Variants in CHRM2 observed in about 807,000 individuals in gnomAD.
CHRM2 encodes muscarinic acetylcholine receptor M2.
Under a neutral mutation model 25.0 loss-of-function variants are expected in CHRM2, and 8 were observed. The ratio of observed to expected loss-of-function variants is 0.32; its 90% CI spans 0.19 to 0.58. The LOEUF (loss-of-function observed/expected upper bound fraction) is 0.58. Ranked by LOEUF, CHRM2 falls within the 20% of genes least tolerant of loss-of-function variation. The probability of loss-of-function intolerance (pLI) is 0.88; values close to 1 mark genes in which losing one functional copy is unlikely to be tolerated. For missense variants in CHRM2, 440 were observed against 567.1 expected, an observed-to-expected ratio of 0.78 and a Z score of 2.28; for synonymous variants, 202 against 205.7, an observed-to-expected ratio of 0.98 and a Z score of 0.15.
At chr7:136,944,595 C>T (rs527555020) in intron 2 of CHRM2, among the ~76,000 whole-genome samples, 1 of 152,046 alleles carries the variant, frequency 6.6e-6, no homozygotes, top group South Asian at 2.1e-4. Flanking sequence ...GGACTGGTTC[C>T]ATATTTTTGC....
chr7:136,970,692 C>T (rs1038718544), intron 2 of CHRM2, among the ~76,000 whole-genome samples: 3 of 52,894 alleles, frequency 5.7e-5, no homozygotes, highest in Non-Finnish European at 1.7e-4. Context: ...AAATATAATA[C>T]TTCTGAAAAA....
At chr7:136,962,000 T>C (rs528084419) in intron 2 of CHRM2, among the ~76,000 whole-genome samples, 2 of 152,102 alleles carry the variant, frequency 1.3e-5, no homozygotes, top group Non-Finnish European at 2.9e-5. Context: ...TAAAAATAGC[T>C]TCTCAGCAAC....
At chr7:136,956,388 T>TA (rs1437160591) in intron 2 of CHRM2, among the ~76,000 whole-genome samples, 1 of 152,188 alleles carries the variant, frequency 6.6e-6, no homozygotes. Flanking sequence ...ATGTACTGTT[T>TA]AAGGGGAAAT....
chr7:136,924,653 C>G (rs1258305823), intron 2 of CHRM2, among the ~76,000 whole-genome samples: 1 of 152,098 alleles, frequency 6.6e-6, no homozygotes, highest in African/African-American at 2.4e-5. Flanking sequence ...GGAAGTGATT[C>G]AAACAGCTAC....
At position 137,015,723 on chromosome 7, in the gene CHRM2, C is replaced by G; in HGVS notation, c.858C>G (p.Ser286=). 1 of 1,613,236 alleles carries G rather than the reference C, an allele frequency of 6.2e-7. No individual in the cohort carries two copies. Among genetic ancestry groups the G allele is most frequent in the Non-Finnish European group, 8.5e-7 (1 of 1,179,552 alleles). ...AGGAGAAGGAGAGCTCCAATGACTC[C>G]ACCTCAGTCAGTGCTGTTGCCTCTA... ...QGEEKESSND[S]TSVSAVASNM... The change falls in exon 4 of 4, where the codon TCC becomes TCG. Residue 286 remains serine, a synonymous_variant. Transcript: ENST00000680005. This position sits in a 1 kb window ranked among gnomAD's most constrained non-coding sequence, Gnocchi z 5.1.
At chr7:137,014,310 G>A (rs1395757296) in intron 3 of CHRM2, among the ~76,000 whole-genome samples, 2 of 151,922 alleles carry the variant, frequency 1.3e-5, no homozygotes, top group African/African-American at 4.8e-5. Context: ...CAGTGTTATT[G>A]TGAAAAAGGC....
At chr7:136,889,762 C>T (rs1796616730) in intron 2 of CHRM2, among the ~76,000 whole-genome samples, 1 of 152,206 alleles carries the variant, frequency 6.6e-6, no homozygotes, top group African/African-American at 2.4e-5. Context: ...GATAGAACCT[C>T]CAACTCTATT....
intron 2 of CHRM2, among the ~76,000 whole-genome samples, chr7:136,927,226 C>T (rs1055503419): frequency 2.0e-5 from 3 of 152,154 alleles, no homozygotes; most frequent in African/African-American, 7.2e-5. Context: ...ATTAGTTTAT[C>T]TGCAGTTCAG....
intron 2 of CHRM2, among the ~76,000 whole-genome samples, chr7:136,955,595 T>C (rs1303327378): frequency 2.6e-5 from 4 of 152,172 alleles, no homozygotes; most frequent in Non-Finnish European, 5.9e-5. Context: ...AAAAGGAATG[T>C]CCTGGCCTTT....
intron 2 of CHRM2, among the ~76,000 whole-genome samples, chr7:136,954,623 A>G (rs1800610836): frequency 6.6e-6 from 1 of 152,222 alleles, no homozygotes; most frequent in South Asian, 2.1e-4. Context: ...AACTATAAAC[A>G]ATGTAGAAAG....
intron 2 of CHRM2, among the ~76,000 whole-genome samples, chr7:136,966,998 A>G (rs771508977): frequency 1.3e-5 from 2 of 152,006 alleles, no homozygotes; most frequent in African/African-American, 2.4e-5. Context: ...CTGATCGTTT[A>G]GGGACATATT....
chr7:136,971,755 ATGG>A (rs1460304400), intron 2 of CHRM2, among the ~76,000 whole-genome samples: 2 of 152,160 alleles, frequency 1.3e-5, no homozygotes, highest in African/African-American at 2.4e-5. Context: ...ATAAAAGCAC[ATGG>A]TGATTCTGAT....
At chr7:136,901,618 TCCC>T (rs1563054655) in intron 2 of CHRM2, among the ~76,000 whole-genome samples, 1 of 151,918 alleles carries the variant, frequency 6.6e-6, no homozygotes, top group African/African-American at 2.4e-5. Context: ...GTCATTTTTT[TCCC>T]CCATTTCCAT....
chr7:136,996,094 G>A (rs1323934751), intron 3 of CHRM2, among the ~76,000 whole-genome samples: 1 of 151,692 alleles, frequency 6.6e-6, no homozygotes, highest in Non-Finnish European at 1.5e-5. Flanking sequence ...CCTGATAAAT[G>A]TTTCTGGAGT....
At chr7:136,882,758 G>T (rs1480156327) in intron 2 of CHRM2, among the ~76,000 whole-genome samples, 3 of 151,924 alleles carry the variant, frequency 2.0e-5, no homozygotes, top group African/African-American at 4.8e-5. Context: ...ATGCTTATAG[G>T]TATATAGTAA....
chr7:136,918,846 G>A lies in CHRM2; in HGVS notation c.-125+49428G>A, dbSNP rs536292517. Among the ~76,000 whole-genome samples the A allele has an allele frequency of 1.3e-3, 194 of 152,150 alleles. 2 individuals are homozygous for A. The highest frequency in any genetic ancestry group is 2.2e-3 in the Non-Finnish European group (150 of 68,000). On this transcript the variant is annotated intron_variant, in intron 2 of 3. Coordinates refer to ENST00000680005, the MANE Select transcript of CHRM2 (RefSeq NM_001006630.2). Reference sequence around the variant, plus strand: ...ACTGGGTTTCATCTGTTCTCTCCTTGGAGAGAACTGCAAACTGAGGTCCTC... The same window carrying A: ...ACTGGGTTTCATCTGTTCTCTCCTTAGAGAGAACTGCAAACTGAGGTCCTC...
intron 2 of CHRM2, among the ~76,000 whole-genome samples, chr7:136,880,638 A>T (rs1796229232): frequency 6.6e-6 from 1 of 151,574 alleles, no homozygotes; most frequent in South Asian, 2.1e-4. Context: ...TTTTTAATAG[A>T]CTTTATTTAT....
chr7:136,982,070 T>G (rs1802525348), intron 2 of CHRM2, among the ~76,000 whole-genome samples: 1 of 152,216 alleles, frequency 6.6e-6, no homozygotes, highest in Non-Finnish European at 1.5e-5. Flanking sequence ...TACTATTGTT[T>G]AGGAGTCTAA....
In CHRM2 at chr7:136,919,024, G is replaced by T. The variant is rs189785646; in HGVS notation, c.-125+49606G>T. Among the ~76,000 whole-genome samples, 32 of 152,212 alleles carry T rather than the reference G, an allele frequency of 2.1e-4. No homozygotes were observed. In the South Asian group the frequency reaches 4.4e-3, roughly 21 times the overall value. ...AATATTTGGAACTTTTGTGTAGCTA[G>T]CTATTTCTAAAGTGCAACGTGGCAG... On this transcript the variant is annotated intron_variant, in intron 2 of 3. Transcript: ENST00000680005.
Sources: allele counts gnomAD v4.1 joint callset (sites outside exome capture counted in the v4.1 genomes callset), GRCh38; gene constraint gnomAD v4.1.1; non-coding constraint Gnocchi (gnomAD v3.1); transcripts MANE v1.5; gene names NCBI Gene and HGNC (gene_info 2026-07-23, HGNC 2026-07-21).